NCKAP5: variants seen among roughly 807,000 people sequenced by gnomAD.
The protein encoded by NCKAP5 is NCK associated protein 5.
In NCKAP5, 92 loss-of-function variants were observed where a neutral mutation model predicts 167.0. That is an observed-to-expected ratio of 0.55 (90% CI 0.47 to 0.66). The LOEUF (loss-of-function observed/expected upper bound fraction) is 0.66. NCKAP5 is among the 30% of genes least tolerant of loss of function. NCKAP5 has a pLI of 0.00. For synonymous variants in NCKAP5, 891 were observed against 877.4 expected (o/e 1.02, Z -0.27); for missense variants, 2,378 against 2,315.0 (o/e 1.03, Z -0.56).
At chr2:133,556,981 G>C (rs1575154887) in intron 2 of NCKAP5, 1 of 152,166 alleles carries the variant, frequency 6.6e-6, no homozygotes, top group Non-Finnish European at 1.5e-5. Flanking sequence ...TGAGAAAGAA[G>C]TCTTCTTATT....
At chr2:133,181,502 G>A (rs2084730710) in intron 5 of NCKAP5, among the ~76,000 whole-genome samples, 1 of 148,690 alleles carries the variant, frequency 6.7e-6, no homozygotes, top group Non-Finnish European at 1.5e-5. Context: ...ATCTAAATGT[G>A]CTAATTAAAA....
At chr2:133,100,832 TAC>T (rs898818885) in intron 6 of NCKAP5, among the ~76,000 whole-genome samples, 4 of 152,216 alleles carry the variant, frequency 2.6e-5, no homozygotes, top group African/African-American at 9.6e-5. Flanking sequence ...AGATTATAGT[TAC>T]CTTTTTAAAA....
chr2:133,297,301 T>G (rs1680036938), intron 4 of NCKAP5, among the ~76,000 whole-genome samples: 1 of 152,100 alleles, frequency 6.6e-6, no homozygotes, highest in South Asian at 2.1e-4. Flanking sequence ...GACTCCATTC[T>G]CTTCTTTAGA....
At chr2:133,338,623 CT>C (rs1683370469) in intron 3 of NCKAP5, among the ~76,000 whole-genome samples, 1 of 152,176 alleles carries the variant, frequency 6.6e-6, no homozygotes, top group Non-Finnish European at 1.5e-5. Context: ...GTTATCAAGA[CT>C]AAAACTACCA....
intron 6 of NCKAP5, among the ~76,000 whole-genome samples, chr2:133,111,187 C>A (rs1444158279): frequency 6.6e-6 from 1 of 152,104 alleles, no homozygotes; most frequent in African/African-American, 2.4e-5. Context: ...AAGAGAGAAG[C>A]CTTCTCCCAC....
At chr2:133,076,870 C>T (rs1015794355) in intron 6 of NCKAP5, among the ~76,000 whole-genome samples, 2 of 152,296 alleles carry the variant, frequency 1.3e-5, no homozygotes, top group East Asian at 3.9e-4. Context: ...ACAAATTCCA[C>T]TCTCCCTCCC....
chr2:133,221,089 A>G (rs1238220547), intron 4 of NCKAP5, among the ~76,000 whole-genome samples: 1 of 150,498 alleles, frequency 6.6e-6, no homozygotes, highest in Non-Finnish European at 1.5e-5. Flanking sequence ...AACTGTTAAT[A>G]TGTGAAATAC....
intron 8 of NCKAP5, among the ~76,000 whole-genome samples, chr2:132,895,816 C>CA (rs59012786): frequency 0.012 from 1,255 of 104,918 alleles, 18 homozygotes; most frequent in Non-Finnish European, 0.017. Flanking sequence ...GAGAAGGACT[C>CA]AAAAAAAAAA....
At chr2:133,146,333 T>C (rs1476974198) in intron 5 of NCKAP5, among the ~76,000 whole-genome samples, 1 of 151,952 alleles carries the variant, frequency 6.6e-6, no homozygotes, top group Admixed American at 6.6e-5. Context: ...AAGCAACATC[T>C]AGATAAAATG....
intron 5 of NCKAP5, among the ~76,000 whole-genome samples, chr2:133,186,351 G>T (rs34207197): frequency 0.021 from 3,228 of 152,156 alleles, 38 homozygotes; most frequent in Non-Finnish European, 0.032. Context: ...GCTGAATTTG[G>T]TTTGTTAATA....
At chr2:133,339,250 A>C (rs1046016372) in intron 3 of NCKAP5, among the ~76,000 whole-genome samples, 5 of 152,194 alleles carry the variant, frequency 3.3e-5, no homozygotes, top group African/African-American at 1.2e-4. Flanking sequence ...CAGAAGAAAG[A>C]ATCTCCTAGA....
chr2:133,234,310 A>G (rs555105701), intron 4 of NCKAP5, among the ~76,000 whole-genome samples: 1 of 152,342 alleles, frequency 6.6e-6, no homozygotes, highest in South Asian at 2.1e-4. Context: ...CACAGCATGG[A>G]GCAAATCAGC....
the NCKAP5 span, among the ~76,000 whole-genome samples, chr2:133,589,067 G>A: frequency 6.6e-6 from 1 of 152,152 alleles, no homozygotes; most frequent in African/African-American, 2.4e-5. Flanking sequence ...TGGGTTTGGA[G>A]CAGAGGACTG....
chr2:132,980,185 T>C (rs2077093186), intron 7 of NCKAP5, among the ~76,000 whole-genome samples: 1 of 151,478 alleles, frequency 6.6e-6, no homozygotes, highest in Admixed American at 6.6e-5. Context: ...AGAGACGGAG[T>C]TTCACCATGT....
At chr2:132,992,356 TAA>T (rs2077474052) in intron 7 of NCKAP5, among the ~76,000 whole-genome samples, 1 of 152,220 alleles carries the variant, frequency 6.6e-6, no homozygotes, top group African/African-American at 2.4e-5. Context: ...CTGATGATGT[TAA>T]GTGTCTACAC....
At chr2:132,691,476 A>G (rs1686722397) in intron 19 of NCKAP5, among the ~76,000 whole-genome samples, 1 of 152,110 alleles carries the variant, frequency 6.6e-6, no homozygotes, top group South Asian at 2.1e-4. Context: ...CACGTCACAC[A>G]TACCCCTCCT....
At position 133,471,785 on chromosome 2, in the gene NCKAP5, C is replaced by A. The variant is rs538406566; in HGVS notation, c.69+45673G>T. Among the ~76,000 whole-genome samples the A allele has an allele frequency of 4.6e-5, 7 of 152,288 alleles. No homozygotes were observed. The South Asian group carries it at 1.5e-3, about 32-fold the overall frequency. On this transcript the variant is annotated intron_variant, in intron 3 of 19. Coordinates refer to ENST00000409261, the MANE Select transcript of NCKAP5 (RefSeq NM_207363.3). ...TCCCCTTGTCCTGACCAAATGCCCT[C>A]TACTGTCTCTCACCTCATCAGGGCT... is the stretch of plus-strand genomic sequence containing the variant.
At chr2:133,435,405 T>A (rs1459709035) in intron 3 of NCKAP5, among the ~76,000 whole-genome samples, 1 of 152,160 alleles carries the variant, frequency 6.6e-6, no homozygotes, top group Admixed American at 6.5e-5. Flanking sequence ...AAGAGAGCAA[T>A]GTTTTTAATA....
At chr2:133,459,215 T>C (rs1323717966) in intron 3 of NCKAP5, among the ~76,000 whole-genome samples, 2 of 152,190 alleles carry the variant, frequency 1.3e-5, no homozygotes, top group Non-Finnish European at 2.9e-5. Context: ...TTTGTACAAT[T>C]CTCTCAAATT....
Sources: allele counts gnomAD v4.1 joint callset (sites outside exome capture counted in the v4.1 genomes callset), GRCh38; gene constraint gnomAD v4.1.1; transcripts MANE v1.5; gene names NCBI Gene and HGNC (gene_info 2026-07-23, HGNC 2026-07-21).